The following EXOSC10 variants were observed in gnomAD, a reference collection of about 807,000 sequenced individuals.
The protein encoded by EXOSC10 is exosome component 10.
A neutral mutation model predicts 126.6 loss-of-function variants in EXOSC10; 94 were observed. The ratio of observed to expected loss-of-function variants is 0.74; its 90% CI spans 0.63 to 0.88. The LOEUF (loss-of-function observed/expected upper bound fraction) is 0.88. EXOSC10 is among the 40% of genes least tolerant of loss of function. The pLI is 0.00. For synonymous variants in EXOSC10, 395 were observed against 400.8 expected (o/e 0.99, Z 0.17); for missense variants, 1,041 against 1,100.5 (o/e 0.95, Z 0.77).
chr1:11,081,835 C>T (rs985697585), intron 10 of EXOSC10, among the ~76,000 whole-genome samples: 1 of 152,022 alleles, frequency 6.6e-6, no homozygotes, highest in Non-Finnish European at 1.5e-5. Flanking sequence ...GTAATCCCAG[C>T]ACTTTGGGAG....
chr1:11,074,049 G>A (rs192936466), intron 18 of EXOSC10, 41 bp from the exon 19 acceptor site: 14 of 1,589,132 alleles, frequency 8.8e-6, no homozygotes, highest in South Asian at 2.2e-5. Context: ...TGCCGGGAAC[G>A]GAATCTAGAG....
intron 19 of EXOSC10, among the ~76,000 whole-genome samples, chr1:11,073,291 C>T (rs1434492287): frequency 6.6e-6 from 1 of 152,114 alleles, no homozygotes; most frequent in African/African-American, 2.4e-5. Flanking sequence ...TGCCACGACG[C>T]CTGGCTAATT....
At chr1:11,094,879 T>G (rs997305742) in intron 3 of EXOSC10, among the ~76,000 whole-genome samples, 1 of 151,788 alleles carries the variant, frequency 6.6e-6, no homozygotes, top group Non-Finnish European at 1.5e-5. Flanking sequence ...GGATTGTAGG[T>G]GTGAGCCACC....
Position 11,074,300 on chromosome 1 carries a change from CT to C in EXOSC10, c.2012del (p.Lys671ArgfsTer4). 6.2e-7 allele frequency: 1 copy of C among 1,614,054 alleles called. No homozygotes were observed. The highest frequency in any genetic ancestry group is 1.1e-5 in the South Asian group (1 of 91,070). ...TTTTCTGTGCAACTGTCAATGGACC[CT>C]TTTTACTGTCTTCAGCACTAGGTTC... ...FNEPSAEDSK[K>X]GPLTVAQKKA... is the part of the protein sequence containing the mutation. On this transcript the variant is annotated frameshift_variant, in exon 18 of 25. Coordinates refer to ENST00000376936, the MANE Select transcript of EXOSC10 (RefSeq NM_001001998.3). LOFTEE classifies it high-confidence loss of function.
chr1:11,068,767 G>T, intron 22 of EXOSC10, 61 bp from the exon 23 acceptor site: 3 of 1,354,002 alleles, frequency 2.2e-6, no homozygotes, highest in Non-Finnish European at 3.2e-6. Context: ...CACATCACAG[G>T]CTCACAGCGA....
intron 3 of EXOSC10, among the ~76,000 whole-genome samples, chr1:11,092,144 T>G (rs1390482249): frequency 1.3e-5 from 2 of 152,218 alleles, no homozygotes; most frequent in Admixed American, 6.5e-5. Flanking sequence ...GACTTGTAAG[T>G]TTTTGAGTTT....
Position 11,075,812 on chromosome 1 carries a change from C to T in EXOSC10, c.1986+1030G>A, listed in dbSNP as rs748653196. Among the ~76,000 whole-genome samples, 52 of 135,344 alleles carry T rather than the reference C, an allele frequency of 3.8e-4. 2 individuals are homozygous for T. The highest frequency in any genetic ancestry group is 1.5e-4 in the Non-Finnish European group (10 of 66,236). 88.8% of individuals were successfully genotyped at this position (135,344 alleles called of 152,430 possible). ...GAGGTTGCAGTGAGCCAGGATGGTG[C>T]CACTGCACTCCCACCTGGGTGACAG... On this transcript the variant is annotated intron_variant, in intron 17 of 24. Transcript: ENST00000376936.
intron 17 of EXOSC10, 55 bp from the exon 18 acceptor site, chr1:11,074,381 A>G: frequency 8.0e-7 from 1 of 1,251,106 alleles, no homozygotes; most frequent in Non-Finnish European, 1.2e-6. Flanking sequence ...TGTGACATCA[A>G]GATGCAAGCA....
At chr1:11,097,218 A>G (rs1376091767) in intron 2 of EXOSC10, among the ~76,000 whole-genome samples, 18 of 150,970 alleles carry the variant, frequency 1.2e-4, no homozygotes, top group Non-Finnish European at 1.8e-4. Context: ...CTCCCCCCCA[A>G]CAAAAAAAAA....
At chr1:11,079,334 A>C (rs1640007554) in intron 14 of EXOSC10, among the ~76,000 whole-genome samples, 1 of 150,958 alleles carries the variant, frequency 6.6e-6, no homozygotes, top group Non-Finnish European at 1.5e-5. Context: ...TCTAAAAAAA[A>C]CAAAAAACAA....
chr1:11,088,227 A>T (rs1640609540), intron 6 of EXOSC10, 29 bp from the exon 7 acceptor site: 1 of 1,507,758 alleles, frequency 6.6e-7, no homozygotes, highest in East Asian at 2.3e-5. Context: ...AAGAGAAATC[A>T]TTCTGATTAA....
At chr1:11,073,253 C>A (rs1570794877) in intron 19 of EXOSC10, among the ~76,000 whole-genome samples, 1 of 152,170 alleles carries the variant, frequency 6.6e-6, no homozygotes, top group African/African-American at 2.4e-5. Context: ...CTGCCTCAGC[C>A]CCCCGAGTAG....
At chr1:11,081,847 C>T (rs944271585) in intron 10 of EXOSC10, among the ~76,000 whole-genome samples, 5 of 151,922 alleles carry the variant, frequency 3.3e-5, no homozygotes, top group African/African-American at 7.3e-5. Flanking sequence ...CTTTGGGAGG[C>T]GGAGGCGGGA....
In EXOSC10 at chr1:11,066,651, A is replaced by G; in HGVS notation, c.*67T>C. Reference sequence around the variant, plus strand: ...GGAAGAATTTTAATGGTTTAAAAATATGTATGTACAAAAGCAGCACCAGCA... The same window carrying G: ...GGAAGAATTTTAATGGTTTAAAAATGTGTATGTACAAAAGCAGCACCAGCA... On this transcript the variant is annotated 3_prime_UTR_variant, in exon 25 of 25. Transcript: ENST00000376936. 2.0e-6 allele frequency: 3 copies of G among 1,537,862 alleles called. No homozygotes were observed. The highest frequency in any genetic ancestry group is 9.0e-7 in the Non-Finnish European group (1 of 1,110,970).
In EXOSC10 at chr1:11,099,777, T is replaced by C; in HGVS notation, c.55A>G (p.Lys19Glu). The C allele has an allele frequency of 6.2e-7, 1 of 1,611,970 alleles. No individual in the cohort carries two copies. Among genetic ancestry groups the C allele is most frequent in the Non-Finnish European group, 8.5e-7 (1 of 1,179,000 alleles). ...GGCAGCACCATCTCTCCGTCGGATT[T>C]GGTTGCGCTGGTCGCCGACAGGACC... ...PRVLSATSAT[K>E]SDGEMVLPGF... Residue 19 changes from lysine to glutamate, a missense_variant, in exon 1 of 25, where the codon AAA becomes GAA. Transcript: ENST00000376936.
chr1:11,074,404 T>A, intron 17 of EXOSC10, 78 bp from the exon 18 acceptor site: 1 of 1,033,860 alleles, frequency 9.7e-7, no homozygotes, highest in Non-Finnish European at 1.5e-6. Flanking sequence ...AGAGCAACAG[T>A]TAACAGTGAT....
intron 3 of EXOSC10, among the ~76,000 whole-genome samples, chr1:11,093,909 T>C (rs1244614882): frequency 6.6e-6 from 1 of 151,826 alleles, no homozygotes; most frequent in Non-Finnish European, 1.5e-5. Flanking sequence ...CAAGACATTG[T>C]CTCTATAAAA....
intron 9 of EXOSC10, among the ~76,000 whole-genome samples, chr1:11,083,524 T>C (rs1640294475): frequency 7.3e-6 from 1 of 136,912 alleles, no homozygotes; most frequent in South Asian, 2.4e-4. Flanking sequence ...ATCGTACCAT[T>C]GTACTCCAGC....
chr1:11,069,816 C>T, intron 21 of EXOSC10, 86 bp from the exon 22 acceptor site: 1 of 1,436,486 alleles, frequency 7.0e-7, no homozygotes, highest in Non-Finnish European at 9.6e-7. Flanking sequence ...AGCTGGGACC[C>T]AGCTGCCTAA....
Sources: allele counts gnomAD v4.1 joint callset (sites outside exome capture counted in the v4.1 genomes callset), GRCh38; gene constraint gnomAD v4.1.1; transcripts MANE v1.5; gene names NCBI Gene and HGNC (gene_info 2026-07-23, HGNC 2026-07-21).